The following FBXO34 variants were observed in gnomAD, a reference collection of about 807,000 sequenced individuals.
FBXO34 encodes the protein F-box only protein 34.
A neutral mutation model predicts 24.5 loss-of-function variants in FBXO34; 12 were observed. That is an observed-to-expected ratio of 0.49 (90% CI 0.31 to 0.79). The LOEUF (loss-of-function observed/expected upper bound fraction) is 0.79. FBXO34 is among the 30% of genes least tolerant of loss of function. The pLI, the probability that FBXO34 is intolerant of heterozygous loss-of-function variation, is 0.04. For missense variants in FBXO34, 823 were observed against 857.7 expected (o/e 0.96, Z 0.51); for synonymous variants, 320 against 311.9 (o/e 1.03, Z -0.27).
the FBXO34 span, among the ~76,000 whole-genome samples, chr14:55,421,039 CAA>C: frequency 4.7e-5 from 4 of 85,808 alleles, no homozygotes; most frequent in African/African-American, 1.6e-4. Context: ...GCAGCCTGGG[CAA>C]AAGAGTGAGA....
chr14:55,432,414 G>GAA, the FBXO34 span, among the ~76,000 whole-genome samples: 13 of 116,266 alleles, frequency 1.1e-4, no homozygotes, highest in South Asian at 2.6e-4. Context: ...CCGTGTCTCA[G>GAA]AAAAAAAAAA....
At chr14:55,275,574 G>A (rs10139683) in intron 1 of FBXO34, among the ~76,000 whole-genome samples, 44,928 of 151,550 alleles carry the variant, frequency 0.3, 7,039 homozygotes, top group Non-Finnish European at 0.34. Context: ...CAGCACGTTG[G>A]GAGGCTGAGG....
the FBXO34 span, chr14:55,414,103 C>T: frequency 7.1e-6 from 4 of 560,326 alleles, no homozygotes; most frequent in South Asian, 4.5e-5. Context: ...TAAAAGGAAA[C>T]GCATTGAGTC....
At chr14:55,313,122 C>T (rs957109944) in intron 1 of FBXO34, among the ~76,000 whole-genome samples, 1 of 152,192 alleles carries the variant, frequency 6.6e-6, no homozygotes, top group African/African-American at 2.4e-5. Flanking sequence ...ATCCAAGTCA[C>T]CTCCTAAGCT....
the FBXO34 span, among the ~76,000 whole-genome samples, chr14:55,385,491 C>T: frequency 2.0e-5 from 3 of 152,216 alleles, no homozygotes; most frequent in Non-Finnish European, 4.4e-5. Context: ...CAGGGTTTTG[C>T]CATGTTGGCC....
At chr14:55,436,351 C>G in the FBXO34 span, among the ~76,000 whole-genome samples, 1 of 152,136 alleles carries the variant, frequency 6.6e-6, no homozygotes, top group Non-Finnish European at 1.5e-5. Flanking sequence ...TTTAAGTCCC[C>G]TCCGCCCACC....
chr14:55,354,201 T>C (rs1301989723), downstream of FBXO34, among the ~76,000 whole-genome samples: 2 of 152,184 alleles, frequency 1.3e-5, no homozygotes, highest in Admixed American at 1.3e-4. Context: ...CAAGAGTGTT[T>C]TTCCTTATGA....
chr14:55,304,434 T>G (rs934858543), intron 1 of FBXO34, among the ~76,000 whole-genome samples: 1 of 151,528 alleles, frequency 6.6e-6, no homozygotes, highest in African/African-American at 2.4e-5. Context: ...CCTCAAGCAG[T>G]CCTCCCTCTT....
the FBXO34 span, among the ~76,000 whole-genome samples, chr14:55,383,151 C>T: frequency 4.6e-5 from 7 of 152,190 alleles, no homozygotes; most frequent in African/African-American, 1.4e-4. Flanking sequence ...AAGGGCCTTA[C>T]GCACGCGTCC....
At chr14:55,383,289 G>A in the FBXO34 span, among the ~76,000 whole-genome samples, 2,289 of 152,300 alleles carry the variant, frequency 0.015, 33 homozygotes, top group Non-Finnish European at 0.024. Flanking sequence ...AGTGATTCAT[G>A]CCTGTAATCC....
intron 1 of FBXO34, among the ~76,000 whole-genome samples, chr14:55,284,573 A>T (rs1594725203): frequency 6.9e-6 from 1 of 144,516 alleles, no homozygotes; most frequent in African/African-American, 2.5e-5. Context: ...TGATTCAGGG[A>T]CCTAGCCTCT....
At chr14:55,400,985 A>G in the FBXO34 span, among the ~76,000 whole-genome samples, 1 of 152,084 alleles carries the variant, frequency 6.6e-6, no homozygotes, top group Non-Finnish European at 1.5e-5. Flanking sequence ...GAATATTTAC[A>G]GCAAAATTGT....
At chr14:55,379,455 T>C in the FBXO34 span, among the ~76,000 whole-genome samples, 1 of 151,952 alleles carries the variant, frequency 6.6e-6, no homozygotes, top group Non-Finnish European at 1.5e-5. Context: ...GGTGGGAGGA[T>C]TGCTTGGGCC....
the FBXO34 span, among the ~76,000 whole-genome samples, chr14:55,393,310 A>G: frequency 1.3e-5 from 2 of 152,128 alleles, no homozygotes; most frequent in Admixed American, 6.5e-5. Context: ...GTGTGAACCC[A>G]GGAGGTGGAG....
Position 55,350,452 on chromosome 14 carries a change from AAACGCAGAG to A in FBXO34, c.66_74del (p.Gln23_Thr25del), listed in dbSNP as rs1169114837. On this transcript the variant is annotated inframe_deletion, in exon 2 of 2. Transcript: ENST00000313833. Reference sequence around the variant, plus strand: ...GAGCACCCCCCGGAAGTCAGCAGGGAAACGCAGAGAACTCCTATGAACCACCAAAAGGCT... The same window carrying A: ...GAGCACCCCCCGGAAGTCAGCAGGGAAACTCCTATGAACCACCAAAAGGCT... 1 of 1,610,754 alleles carries A rather than the reference AAACGCAGAG, an allele frequency of 6.2e-7. No homozygotes were observed. The highest frequency in any genetic ancestry group is 2.2e-5 in the East Asian group (1 of 44,888).
At chr14:55,417,362 C>A in the FBXO34 span, among the ~76,000 whole-genome samples, 23 of 148,846 alleles carry the variant, frequency 1.5e-4, no homozygotes, top group African/African-American at 5.2e-4. Flanking sequence ...TTTAAGGGAA[C>A]CTAAATTGGC....
exon 3 of FBXO34, chr14:55,368,061 G>T (rs1420013708): frequency 6.6e-6 from 1 of 152,406 alleles, no homozygotes; most frequent in Non-Finnish European, 1.5e-5. Context: ...TCTTTCATAG[G>T]ATTTCTTTTG....
chr14:55,293,130 G>A (rs960450029), intron 1 of FBXO34, among the ~76,000 whole-genome samples: 6 of 150,524 alleles, frequency 4.0e-5, no homozygotes, highest in Admixed American at 4.0e-4. Flanking sequence ...TGATCTACTC[G>A]CCTTGGCCTC....
chr14:55,304,618 G>A (rs1414476687), intron 1 of FBXO34, among the ~76,000 whole-genome samples: 1 of 152,104 alleles, frequency 6.6e-6, no homozygotes, highest in African/African-American at 2.4e-5. Context: ...CTCTGCCTCA[G>A]CCTCTGGAGT....
Sources: gnomAD v4.1 joint callset for allele counts (sites outside exome capture counted in the v4.1 genomes callset) on GRCh38, gnomAD v4.1.1 for gene constraint, MANE v1.5 for transcripts, NCBI Gene and HGNC (gene_info 2026-07-23, HGNC 2026-07-21) for gene names.